Variants in KIAA2012 observed in about 807,000 individuals in gnomAD.
KIAA2012 encodes the protein KIAA2012.
In KIAA2012, 125 loss-of-function variants were observed where a neutral mutation model predicts 150.6. The ratio of observed to expected loss-of-function variants is 0.83; its 90% CI spans 0.72 to 0.96. KIAA2012 has a LOEUF of 0.96. KIAA2012 is among the 40% of genes least tolerant of loss of function. KIAA2012 has a pLI of 0.00. For synonymous variants in KIAA2012, 462 were observed against 504.7 expected, an observed-to-expected ratio of 0.92 and a Z score of 1.13; for missense variants, 1,219 against 1,354.9, an observed-to-expected ratio of 0.90 and a Z score of 1.57.
intron 2 of KIAA2012, among the ~76,000 whole-genome samples, chr2:202,087,904 A>C (rs192249891): frequency 2.1e-3 from 313 of 152,002 alleles, no homozygotes; most frequent in African/African-American, 7.2e-3. Flanking sequence ...GATGCAACGG[A>C]GTCTGGGAAA....
intron 15 of KIAA2012, among the ~76,000 whole-genome samples, chr2:202,173,156 C>T (rs920479527): frequency 1.3e-5 from 2 of 152,178 alleles, no homozygotes; most frequent in East Asian, 1.9e-4. Context: ...GAACAGCAGT[C>T]GTCCCTTGAT....
chr2:202,170,970 G>T (rs909388331), intron 15 of KIAA2012, among the ~76,000 whole-genome samples: 2 of 152,162 alleles, frequency 1.3e-5, no homozygotes, highest in African/African-American at 4.8e-5. Context: ...ATCCTTGCTC[G>T]CAGAGCTGGG....
At chr2:202,086,167 C>CA (rs56207993) in intron 2 of KIAA2012, among the ~76,000 whole-genome samples, 1,154 of 90,116 alleles carry the variant, frequency 0.013, 58 homozygotes, top group African/African-American at 0.043. Context: ...AACTCTGTCT[C>CA]AAAAAAAAAA....
intron 16 of KIAA2012, among the ~76,000 whole-genome samples, chr2:202,185,645 G>T (rs1156247309): frequency 6.6e-6 from 1 of 151,302 alleles, no homozygotes; most frequent in African/African-American, 2.4e-5. Flanking sequence ...TTTAAATCAG[G>T]AGAAAAAAAC....
chr2:202,126,690 C>A (rs1426558334), intron 12 of KIAA2012, among the ~76,000 whole-genome samples: 1 of 151,914 alleles, frequency 6.6e-6, no homozygotes, highest in African/African-American at 2.4e-5. Flanking sequence ...TCCTGATATG[C>A]CAAACATCAT....
At chr2:202,181,848 C>T (rs1045605145) in intron 15 of KIAA2012, among the ~76,000 whole-genome samples, 1 of 152,028 alleles carries the variant, frequency 6.6e-6, no homozygotes, top group African/African-American at 2.4e-5. Flanking sequence ...TCTCTTGCTA[C>T]TTTTTTAAAG....
chr2:202,183,547 T>C (rs1692165229), intron 15 of KIAA2012, among the ~76,000 whole-genome samples: 1 of 143,640 alleles, frequency 7.0e-6, no homozygotes, highest in Non-Finnish European at 1.5e-5. Context: ...GCAGTGGTGC[T>C]CATTGGAGTG....
At chr2:202,151,350 T>C (rs1202072215) in intron 13 of KIAA2012, among the ~76,000 whole-genome samples, 1 of 152,082 alleles carries the variant, frequency 6.6e-6, no homozygotes, top group Non-Finnish European at 1.5e-5. Context: ...TGAGCCAAGA[T>C]TGCGCCACTG....
intron 13 of KIAA2012, among the ~76,000 whole-genome samples, chr2:202,147,912 T>C (rs1419057386): frequency 6.6e-6 from 1 of 152,092 alleles, no homozygotes; most frequent in Non-Finnish European, 1.5e-5. Flanking sequence ...ACAGGCACAG[T>C]TCCGGCCTGA....
chr2:202,103,037 C>A lies in KIAA2012; in HGVS notation c.1247C>A (p.Pro416Gln). Residue 416 changes from proline (P) to glutamine (Q), a missense_variant, in exon 8 of 24, where the codon CCA (proline) becomes CAA (glutamine). Pro to Gln is a moderately conservative substitution (Grantham distance 76). Transcript: ENST00000498697. ...AGCCAATTTAAAGCCAATGAGCCCC[C>A]AACAGAGCTCTTCATCTTACCGGTG... ...LKSQFKANEP[P>Q]TELFILPVEI... 6.4e-7 allele frequency: 1 copy of A among 1,550,574 alleles called. No homozygotes were observed. Among genetic ancestry groups the A allele is most frequent in the Non-Finnish European group, 8.7e-7 (1 of 1,146,974 alleles).
chr2:202,127,115 A>AG (rs1457219471), intron 12 of KIAA2012, among the ~76,000 whole-genome samples: 1 of 151,542 alleles, frequency 6.6e-6, no homozygotes, highest in Non-Finnish European at 1.5e-5. Flanking sequence ...AGAAGCTGGA[A>AG]AAAAAAAAGT....
At chr2:202,144,325 A>G (rs2105947318) in intron 13 of KIAA2012, among the ~76,000 whole-genome samples, 1 of 152,290 alleles carries the variant, frequency 6.6e-6, no homozygotes, top group African/African-American at 2.4e-5. Context: ...ACAACAGTAT[A>G]AATTCATATT....
rs184415941 is a variant in KIAA2012, at chr2:202,168,107, A to C, written c.2119+2751A>C. 7.0e-4 allele frequency among the ~76,000 whole-genome samples: 106 copies of C among 152,066 alleles called. 1 individual carries two copies. Among genetic ancestry groups the C allele is most frequent in the Admixed American group, 4.6e-3 (71 of 15,276 alleles). On this transcript the variant is annotated intron_variant, in intron 15 of 23. Transcript: ENST00000498697. ...TGGTTGTGACAAAGAAGAGTTAACT[A>C]TGTAATGTGCTTAGAAAAGTACCCG... is the stretch of plus-strand genomic sequence containing the variant.
chr2:202,166,671 A>C (rs1252186240), intron 15 of KIAA2012, among the ~76,000 whole-genome samples: 1 of 131,438 alleles, frequency 7.6e-6, no homozygotes, highest in African/African-American at 2.7e-5. Context: ...AAAAAACAAA[A>C]ACAAAAAAAA....
intron 18 of KIAA2012, among the ~76,000 whole-genome samples, chr2:202,189,480 C>CCT (rs1692288795): frequency 2.0e-5 from 3 of 151,890 alleles, no homozygotes; most frequent in African/African-American, 7.3e-5. Context: ...TTAGTAGAGA[C>CCT]AGGGTTTCAC....
chr2:202,091,657 C>A (rs1033300092), intron 3 of KIAA2012, among the ~76,000 whole-genome samples: 2 of 152,160 alleles, frequency 1.3e-5, no homozygotes, highest in African/African-American at 4.8e-5. Flanking sequence ...GGATGTACTT[C>A]TACTAAAAAA....
chr2:202,126,160 G>A (rs1690782574), intron 12 of KIAA2012, among the ~76,000 whole-genome samples: 1 of 151,820 alleles, frequency 6.6e-6, no homozygotes, highest in South Asian at 2.1e-4. Context: ...TCACCATATT[G>A]GCCAGGCTGG....
chr2:202,168,307 T>C (rs1691813045), intron 15 of KIAA2012, among the ~76,000 whole-genome samples: 1 of 150,650 alleles, frequency 6.6e-6, no homozygotes, highest in Non-Finnish European at 1.5e-5. Context: ...TAGTCCCAGC[T>C]ACTCGGGAGG....
chr2:202,148,259 G>A (rs899428542), intron 13 of KIAA2012, among the ~76,000 whole-genome samples: 6 of 152,138 alleles, frequency 3.9e-5, no homozygotes, highest in African/African-American at 1.4e-4. Flanking sequence ...CCCCTCACAG[G>A]AGCAAAGATT....
Sources: allele counts gnomAD v4.1 joint callset (sites outside exome capture counted in the v4.1 genomes callset), GRCh38; gene constraint gnomAD v4.1.1; transcripts MANE v1.5; gene names NCBI Gene and HGNC (gene_info 2026-07-23, HGNC 2026-07-21).